SEZ6L: variants seen among roughly 807,000 people sequenced by gnomAD.
SEZ6L encodes seizure 6-like protein.
Under a neutral mutation model 106.2 loss-of-function variants are expected in SEZ6L, and 37 were observed. That is an observed-to-expected ratio of 0.35 (90% confidence interval 0.27 to 0.46). The LOEUF is 0.46. Among genes scored for constraint, SEZ6L ranks in the 20% least tolerant of loss-of-function variants. The pLI, the probability that SEZ6L is intolerant of heterozygous loss-of-function variation, is 1.00. For synonymous variants in SEZ6L, 541 were observed against 570.4 expected (o/e 0.95, Z 0.73); for missense variants, 1,172 against 1,332.8 (o/e 0.88, Z 1.88).
intron 9 of SEZ6L, among the ~76,000 whole-genome samples, chr22:26,334,964 C>T (rs1267620368): frequency 2.6e-5 from 4 of 152,164 alleles, no homozygotes; most frequent in South Asian, 2.1e-4. Context: ...GTTTTCCTAG[C>T]GCCTCCTTGG....
At chr22:26,199,630 C>G (rs1370016416) in intron 1 of SEZ6L, among the ~76,000 whole-genome samples, 1 of 152,194 alleles carries the variant, frequency 6.6e-6, no homozygotes, top group Non-Finnish European at 1.5e-5. Flanking sequence ...TGCAGCAAAA[C>G]TTAAGCAAAG....
At chr22:26,275,672 G>A (rs55715647) in intron 1 of SEZ6L, among the ~76,000 whole-genome samples, 9 of 152,198 alleles carry the variant, frequency 5.9e-5, no homozygotes, top group East Asian at 5.8e-4. Context: ...GTAAAATGAC[G>A]GTGCTAGGCC....
chr22:26,306,164 C>T lies in SEZ6L; in HGVS notation c.1514+20C>T. The stretch of plus-strand genomic sequence containing the variant: ...GGACAGGTAAAGCTCTGAAGGTCCA[C>T]ACCCAACCCCGTTTCTTCCCAGAAT... On this transcript the variant is annotated intron_variant, in intron 6 of 16. Coordinates refer to ENST00000248933, the MANE Select transcript of SEZ6L (RefSeq NM_021115.5). 3 of 1,608,912 alleles carry T rather than the reference C, an allele frequency of 1.9e-6. No homozygotes were observed. Among genetic ancestry groups the T allele is most frequent in the Non-Finnish European group, 1.7e-6 (2 of 1,178,618 alleles).
At chr22:26,321,830 T>A (rs967508807) in intron 9 of SEZ6L, among the ~76,000 whole-genome samples, 8 of 152,142 alleles carry the variant, frequency 5.3e-5, no homozygotes, top group African/African-American at 1.7e-4. Flanking sequence ...AGTAGGCGCA[T>A]GACTTAGCTG....
Position 26,351,408 on chromosome 22 carries a change from A to C in SEZ6L, c.2599+165A>C, listed in dbSNP as rs973625940. The C allele has an allele frequency of 7.2e-6, 4 of 556,768 alleles. No homozygotes were observed. The African/African-American group carries it at 7.6e-5, about 11-fold the overall frequency. 34.5% of individuals were successfully genotyped at this position (556,768 alleles called of 1,614,324 possible). On this transcript the variant is annotated intron_variant, in intron 12 of 16. Transcript: ENST00000248933. ...TACCTAACACTGATTGGGAGCACAC[A>C]TACTATAACATTTACAGTAAATTTA...
At chr22:26,234,464 T>C (rs1483433879) in intron 1 of SEZ6L, among the ~76,000 whole-genome samples, 1 of 152,238 alleles carries the variant, frequency 6.6e-6, no homozygotes, top group Non-Finnish European at 1.5e-5. Flanking sequence ...TTTTTTTCCT[T>C]TCTAATTTAT....
At chr22:26,229,770 TG>T (rs1468420710) in intron 1 of SEZ6L, among the ~76,000 whole-genome samples, 2 of 152,322 alleles carry the variant, frequency 1.3e-5, no homozygotes, top group East Asian at 3.9e-4. Flanking sequence ...ATGATTCAAA[TG>T]TGCAGCCAGG....
intron 10 of SEZ6L, among the ~76,000 whole-genome samples, chr22:26,343,393 G>A (rs2082907904): frequency 6.6e-6 from 1 of 151,658 alleles, no homozygotes; most frequent in Non-Finnish European, 1.5e-5. Flanking sequence ...AGTCTGGCCA[G>A]TGTTCAGTTT....
In SEZ6L at chr22:26,292,575, C is replaced by G. The variant is rs757788135; in HGVS notation, c.264C>G (p.Thr88=). The change falls in exon 2 of 17, where the codon ACC becomes ACG. Residue 88 remains threonine (T), a synonymous_variant. Transcript: ENST00000248933. ...EVLGELVLDG[T]APSAHHDIPA... ...TGGGCGAGCTGGTGCTGGATGGGAC[C>G]GCACCCTCTGCACATCACGACATCC... The G allele has an allele frequency of 1.2e-6, 2 of 1,613,806 alleles. No individual in the cohort carries two copies. The highest frequency in any genetic ancestry group is 1.7e-6 in the Non-Finnish European group (2 of 1,179,890).
intron 1 of SEZ6L, chr22:26,242,730 A>G (rs1321157763): frequency 6.6e-6 from 1 of 152,160 alleles, no homozygotes; most frequent in Non-Finnish European, 1.5e-5. Context: ...TGAAGACTTG[A>G]AAAATGAATT....
In SEZ6L at chr22:26,311,883, C is replaced by T. The variant is rs267606207; in HGVS notation, c.1797C>T (p.Ser599=). 6.2e-7 allele frequency: 1 copy of T among 1,614,172 alleles called. No homozygotes were observed. The highest frequency in any genetic ancestry group is 8.5e-7 in the Non-Finnish European group (1 of 1,180,032). ...AGTTCACCTGCGACCCCGGCCACTC[C>T]CTGGAGCAGGGCCCGGCCATCATCG... ...IVEFTCDPGH[S]LEQGPAIIEC... is the part of the protein sequence containing the mutation. The change falls in exon 8 of 17, where the codon TCC becomes TCT. Residue 599 remains serine, a synonymous_variant. Coordinates refer to ENST00000248933, the MANE Select transcript of SEZ6L (RefSeq NM_021115.5).
At chr22:26,307,121 A>G (rs2081655695) in intron 6 of SEZ6L, among the ~76,000 whole-genome samples, 1 of 152,226 alleles carries the variant, frequency 6.6e-6, no homozygotes, top group South Asian at 2.1e-4. Flanking sequence ...AGCATACCTC[A>G]GAGTGGTCCT....
intron 7 of SEZ6L, 47 bp downstream of exon 7, chr22:26,310,883 G>A: frequency 6.3e-7 from 1 of 1,586,184 alleles, no homozygotes; most frequent in Non-Finnish European, 8.6e-7. Flanking sequence ...GCTGGGGGTA[G>A]CCTGGGAGCA....
intron 10 of SEZ6L, among the ~76,000 whole-genome samples, chr22:26,345,367 C>G (rs1311804227): frequency 6.6e-6 from 1 of 152,212 alleles, no homozygotes; most frequent in African/African-American, 2.4e-5. Context: ...ACCAAGGAGA[C>G]AGGAGGTCCC....
At chr22:26,277,001 T>A (rs1428370060) in intron 1 of SEZ6L, among the ~76,000 whole-genome samples, 1 of 152,128 alleles carries the variant, frequency 6.6e-6, no homozygotes, top group Non-Finnish European at 1.5e-5. Flanking sequence ...GTTCAAGGCT[T>A]TCTGAACCCA....
intron 13 of SEZ6L, among the ~76,000 whole-genome samples, chr22:26,367,078 T>C (rs1014115783): frequency 6.6e-6 from 1 of 152,158 alleles, no homozygotes; most frequent in Non-Finnish European, 1.5e-5. Flanking sequence ...CATTAAAGCA[T>C]CAGGGATGCA....
In SEZ6L at chr22:26,292,950, C is replaced by T. The variant is rs371017350; in HGVS notation, c.639C>T (p.His213=). The T allele has an allele frequency of 6.2e-7, 1 of 1,614,060 alleles. No homozygotes were observed. The highest frequency in any genetic ancestry group is 8.5e-7 in the Non-Finnish European group (1 of 1,179,962). Residue 213 remains histidine (H), a synonymous_variant, in exon 2 of 17, where the codon CAC becomes CAT. Coordinates refer to ENST00000248933, the MANE Select transcript of SEZ6L (RefSeq NM_021115.5). ...SPFTSQPYVA[H]TLPQRPEPGE... ...TCACTTCGCAGCCCTATGTGGCCCACACACTCCCCCAGAGGCCAGAACCCG... is the reference window on the plus strand; with the variant it reads ...TCACTTCGCAGCCCTATGTGGCCCATACACTCCCCCAGAGGCCAGAACCCG...
intron 9 of SEZ6L, among the ~76,000 whole-genome samples, chr22:26,331,847 G>T (rs1439041081): frequency 6.6e-6 from 1 of 152,086 alleles, no homozygotes; most frequent in African/African-American, 2.4e-5. Flanking sequence ...GCCAGGCATG[G>T]TGGCACGTGC....
At position 26,314,343 on chromosome 22, in the gene SEZ6L, T is replaced by G. The variant is rs572518281; in HGVS notation, c.2015+441T>G. On this transcript the variant is annotated intron_variant, in intron 9 of 16. Transcript: ENST00000248933. Reference sequence around the variant, plus strand: ...CTAAAAGATGAGTTGGAGTGATGCATCCCAAATGAACAGAATGTGCAAAGG... The same window carrying G: ...CTAAAAGATGAGTTGGAGTGATGCAGCCCAAATGAACAGAATGTGCAAAGG... Among the ~76,000 whole-genome samples the G allele has an allele frequency of 3.2e-3, 483 of 152,276 alleles. 1 individual carries two copies. The highest frequency in any genetic ancestry group is 4.9e-3 in the Non-Finnish European group (335 of 68,028).
Sources: gnomAD v4.1 joint callset for allele counts (sites outside exome capture counted in the v4.1 genomes callset) on GRCh38, gnomAD v4.1.1 for gene constraint, MANE v1.5 for transcripts, NCBI Gene and HGNC (gene_info 2026-07-23, HGNC 2026-07-21) for gene names.